Variants in TRPM3 observed in about 807,000 individuals in gnomAD.
TRPM3 encodes the protein transient receptor potential cation channel subfamily M member 3.
Under a neutral mutation model 181.2 loss-of-function variants are expected in TRPM3, and 77 were observed. The observed-to-expected ratio is 0.42, with a 90% CI of 0.35 to 0.51. The LOEUF (loss-of-function observed/expected upper bound fraction) is 0.51, where lower values mean the gene tolerates loss of function less well. Ranked by LOEUF, TRPM3 falls within the 20% of genes least tolerant of loss-of-function variation. The probability of loss-of-function intolerance (pLI) is 0.01; values close to 1 mark genes in which losing one functional copy is unlikely to be tolerated. For synonymous variants in TRPM3, 745 were observed against 796.4 expected (o/e 0.94, Z 1.09); for missense variants, 1,759 against 2,196.7 (o/e 0.80, Z 3.98).
chr9:70,567,629 C>A (rs1444112289), intron 22 of TRPM3, among the ~76,000 whole-genome samples: 1 of 150,446 alleles, frequency 6.6e-6, no homozygotes, highest in Non-Finnish European at 1.5e-5. Context: ...TCTGAATAGA[C>A]CTGTGGGAAA....
chr9:70,799,120 C>T (rs1457430234), intron 6 of TRPM3, among the ~76,000 whole-genome samples: 15 of 152,180 alleles, frequency 9.9e-5, no homozygotes, highest in South Asian at 2.1e-4. Flanking sequence ...TACATTCTTC[C>T]CCTTGCTGGA....
At chr9:71,078,174 A>AAACC (rs1453522647) in intron 1 of TRPM3, among the ~76,000 whole-genome samples, 1 of 152,176 alleles carries the variant, frequency 6.6e-6, no homozygotes, top group Non-Finnish European at 1.5e-5. Context: ...AAACATCTAG[A>AAACC]AACCATCCTC....
chr9:71,246,520 G>A (rs2082042331), intron 1 of TRPM3, among the ~76,000 whole-genome samples: 1 of 152,154 alleles, frequency 6.6e-6, no homozygotes, highest in Admixed American at 6.6e-5. Flanking sequence ...AATATAAAAT[G>A]GATTGAGACT....
chr9:70,762,325 T>G (rs1342155032), intron 7 of TRPM3, among the ~76,000 whole-genome samples: 1 of 152,232 alleles, frequency 6.6e-6, no homozygotes, highest in East Asian at 1.9e-4. Context: ...TAAGACAGTA[T>G]AGTATTAGCT....
intron 5 of TRPM3, among the ~76,000 whole-genome samples, chr9:70,835,524 T>C (rs1407875836): frequency 6.6e-6 from 1 of 151,978 alleles, no homozygotes; most frequent in Non-Finnish European, 1.5e-5. Context: ...AGTTCTGGTT[T>C]CTGTTCCATT....
chr9:70,754,699 A>T (rs2076753183), intron 8 of TRPM3, among the ~76,000 whole-genome samples: 1 of 152,204 alleles, frequency 6.6e-6, no homozygotes, highest in African/African-American at 2.4e-5. Context: ...TAGCTTAGCC[A>T]AACTTGGCAA....
intron 1 of TRPM3, among the ~76,000 whole-genome samples, chr9:71,063,769 G>A (rs2061591546): frequency 6.6e-6 from 1 of 152,074 alleles, no homozygotes; most frequent in Admixed American, 6.6e-5. Flanking sequence ...AAAAAGACTG[G>A]CATTCCTCTT....
At chr9:71,300,704 G>T (rs1381349098) in intron 1 of TRPM3, among the ~76,000 whole-genome samples, 1 of 152,076 alleles carries the variant, frequency 6.6e-6, no homozygotes, top group Non-Finnish European at 1.5e-5. Context: ...GTAAAAGTTT[G>T]CTAATAAAAG....
At chr9:71,211,403 G>A (rs2079496676) in intron 1 of TRPM3, among the ~76,000 whole-genome samples, 1 of 149,748 alleles carries the variant, frequency 6.7e-6, no homozygotes, top group African/African-American at 2.5e-5. Flanking sequence ...CTTTCTCCAT[G>A]GGTCCTGTAC....
chr9:71,412,086 C>T (rs1258614957), intron 1 of TRPM3, among the ~76,000 whole-genome samples: 2 of 152,108 alleles, frequency 1.3e-5, no homozygotes, highest in Non-Finnish European at 2.9e-5. Flanking sequence ...ACACCTTATG[C>T]AAAAATTAAT....
intron 22 of TRPM3, among the ~76,000 whole-genome samples, chr9:70,580,030 C>T (rs1230266876): frequency 6.6e-6 from 1 of 152,204 alleles, no homozygotes; most frequent in African/African-American, 2.4e-5. Context: ...AGGAGCGATT[C>T]ACATACTTCA....
intron 6 of TRPM3, among the ~76,000 whole-genome samples, chr9:70,784,988 A>T (rs2083294995): frequency 6.6e-6 from 1 of 152,140 alleles, no homozygotes; most frequent in Non-Finnish European, 1.5e-5. Context: ...CAGTCTCCCA[A>T]GTAGCTGGGA....
Position 70,831,962 on chromosome 9 carries a change from A to AATATATATATATATTTATAT in TRPM3, c.802-3945_802-3944insATATAAATATATATATATAT, listed in dbSNP as rs1554730387. On this transcript the variant is annotated intron_variant, in intron 5 of 25. Transcript: ENST00000677713. ...ATCAAAACATTTTATGTACCCCATA[A>AATATATATATATATTTATAT]ATATATATATATATATATATATATA... Among the ~76,000 whole-genome samples, 3 of 64,254 alleles carry AATATATATATATATTTATAT rather than the reference A, an allele frequency of 4.7e-5. 1 individual carries two copies. Among genetic ancestry groups the AATATATATATATATTTATAT allele is most frequent in the African/African-American group, 2.3e-4 (3 of 13,322 alleles). The allele number at this position is 64,254 out of a possible 152,430, so 42.2% of individuals were successfully genotyped here. A position where few individuals can be genotyped will look rare whatever the true frequency, so the allele number is the denominator to read the frequency against.
At chr9:71,140,959 T>C (rs1239002915) in intron 1 of TRPM3, among the ~76,000 whole-genome samples, 1 of 152,190 alleles carries the variant, frequency 6.6e-6, no homozygotes, top group Non-Finnish European at 1.5e-5. Flanking sequence ...CAAATGTAAT[T>C]AGTTTCTATT....
intron 1 of TRPM3, among the ~76,000 whole-genome samples, chr9:71,426,081 CA>C (rs1389475379): frequency 6.6e-6 from 1 of 152,130 alleles, no homozygotes; most frequent in Non-Finnish European, 1.5e-5. Flanking sequence ...TTGTATTTCA[CA>C]ATTAGGTTTC....
At position 70,541,253 on chromosome 9, in the gene TRPM3, T is replaced by C. The variant is rs113219650; in HGVS notation, c.3708-3848A>G. Among the ~76,000 whole-genome samples, 111 of 152,288 alleles carry C rather than the reference T, an allele frequency of 7.3e-4. No homozygotes were observed. The Middle Eastern group carries it at 0.01, about 14-fold the overall frequency. On this transcript the variant is annotated intron_variant, in intron 25 of 25. Coordinates refer to ENST00000677713, the MANE Select transcript of TRPM3 (RefSeq NM_001366145.2). ...CTGTTGGAACAGGGCCAAGCAACTA[T>C]TCTTGTCAAACCTTAACTGTCCTAT...
intron 1 of TRPM3, among the ~76,000 whole-genome samples, chr9:70,875,932 T>C (rs1424258603): frequency 6.6e-6 from 1 of 151,882 alleles, no homozygotes; most frequent in Non-Finnish European, 1.5e-5. Context: ...TTCTGGCTGA[T>C]AGGCATTTTT....
In TRPM3 at chr9:70,531,181, C is replaced by T. The variant is rs2040827110; in HGVS notation, c.*4772G>A. 6.6e-6 allele frequency: 1 copy of T among 152,238 alleles called. No individual in the cohort carries two copies. Among genetic ancestry groups the T allele is most frequent in the African/African-American group, 2.4e-5 (1 of 41,468 alleles). The allele number at this position is 152,238 out of a possible 1,614,324, so 9.4% of individuals were successfully genotyped here. A position where few individuals can be genotyped will look rare whatever the true frequency, so the allele number is the denominator to read the frequency against. ...GTGTCTTGCATATATCACAGATGCACAACACCTAGACCTTGGCAGACCCAA... is the reference window on the plus strand; with the variant it reads ...GTGTCTTGCATATATCACAGATGCATAACACCTAGACCTTGGCAGACCCAA... On this transcript the variant is annotated 3_prime_UTR_variant, in exon 26 of 26. Transcript: ENST00000677713.
chr9:71,303,062 C>T (rs1332568428), intron 1 of TRPM3, among the ~76,000 whole-genome samples: 5 of 152,082 alleles, frequency 3.3e-5, no homozygotes, highest in Non-Finnish European at 5.9e-5. Context: ...AGGCAAATCT[C>T]GTTTCTTCAC....
Sources: gnomAD v4.1 joint callset for allele counts (sites outside exome capture counted in the v4.1 genomes callset) on GRCh38, gnomAD v4.1.1 for gene constraint, MANE v1.5 for transcripts, NCBI Gene and HGNC (gene_info 2026-07-23, HGNC 2026-07-21) for gene names.